Variants in ASPG observed in about 807,000 individuals in gnomAD.
ASPG encodes 60 kDa lysophospholipase.
ASPG carries 53 observed loss-of-function variants against 63.2 expected under a neutral mutation model. That is an observed-to-expected ratio of 0.84 (90% confidence interval 0.67 to 1.05). The LOEUF is 1.05. ASPG is among the 50% of genes least tolerant of loss of function. The probability of loss-of-function intolerance (pLI) is 0.00; values close to 1 mark genes in which losing one functional copy is unlikely to be tolerated. For missense variants in ASPG, 741 were observed against 794.4 expected (o/e 0.93, Z 0.81); for synonymous variants, 370 against 355.0 (o/e 1.04, Z -0.48).
At chr14:104,108,125 C>T (rs772622981) in intron 12 of ASPG, among the ~76,000 whole-genome samples, 2 of 152,088 alleles carry the variant, frequency 1.3e-5, no homozygotes, top group African/African-American at 2.4e-5. Context: ...AGCGGTGAAG[C>T]GGTGAGCCCT....
intron 10 of ASPG, 84 bp from the exon 11 acceptor site, chr14:104,106,714 AG>A: frequency 8.2e-7 from 1 of 1,220,202 alleles, no homozygotes. Context: ...GGGGGCTGGC[AG>A]GGGTCATACA....
At chr14:104,108,770 C>A (rs2037258126) in intron 12 of ASPG, 1 of 985,276 alleles carries the variant, frequency 1.0e-6, no homozygotes, top group African/African-American at 1.7e-5. Context: ...TTCAGTGTCC[C>A]CTGCGCCTGG....
At chr14:104,107,521 A>G (rs1330797108) in intron 12 of ASPG, among the ~76,000 whole-genome samples, 176 bp downstream of exon 12, 1 of 152,168 alleles carries the variant, frequency 6.6e-6, no homozygotes, top group African/African-American at 2.4e-5. Context: ...GAGTTCCTAG[A>G]AAACAAAAAT....
At position 104,093,633 on chromosome 14, in the gene ASPG, TGTG is replaced by T. The variant is rs756548117; in HGVS notation, c.303+35_303+37del. 4.1e-6 allele frequency: 4 copies of T among 971,838 alleles called. No individual in the cohort carries two copies. In the African/African-American group the frequency reaches 2.1e-4, roughly 51 times the overall value. The allele number at this position is 971,838 out of a possible 1,614,324, so 60.2% of individuals were successfully genotyped here. On this transcript the variant is annotated intron_variant, in intron 3 of 15. Coordinates refer to ENST00000551177, the MANE Select transcript of ASPG (RefSeq NM_001080464.3). ...GGGGCTGGGGAATGCTGGGTGGGGC[TGTG>T]GTGTGTGGGTGGGGCTGAGGTGTGT...
Position 104,112,706 on chromosome 14 carries a change from C to A in ASPG, c.*162C>A. 6.8e-7 allele frequency: 1 copy of A among 1,479,904 alleles called. No individual in the cohort carries two copies. The highest frequency in any genetic ancestry group is 9.1e-7 in the Non-Finnish European group (1 of 1,101,568). The allele number at this position is 1,479,904 out of a possible 1,614,324, so 91.7% of individuals were successfully genotyped here. ...ACGGCAATAAAGTCTCTGACATCCC[C>A]TCACCAGGTCTGTACAGCCTGGCTC... is the stretch of plus-strand genomic sequence containing the variant. On this transcript the variant is annotated 3_prime_UTR_variant, in exon 16 of 16. Transcript: ENST00000551177.
chr14:104,097,481 C>T, intron 4 of ASPG, 73 bp from the exon 5 acceptor site: 1 of 1,441,282 alleles, frequency 6.9e-7, no homozygotes, highest in East Asian at 2.5e-5. Context: ...GGGGGTTTAC[C>T]TGGAGAGATG....
At position 104,110,304 on chromosome 14, in the gene ASPG, A is replaced by T; in HGVS notation, c.1520+989A>T. The stretch of plus-strand genomic sequence containing the variant: ...GTGCAGGCGCCTGCCCAGCAGGAGG[A>T]GGACTAGCAGCTCTGGCTTCTCCTC... On this transcript the variant is annotated intron_variant, in intron 13 of 15. Transcript: ENST00000551177. This position sits in a 1 kb window ranked among gnomAD's most constrained non-coding sequence, Gnocchi z 4.7. 1 of 985,138 alleles carries T rather than the reference A, an allele frequency of 1.0e-6. No individual in the cohort carries two copies. Among genetic ancestry groups the T allele is most frequent in the Non-Finnish European group, 1.2e-6 (1 of 829,842 alleles). 61.0% of individuals were successfully genotyped at this position (985,138 alleles called of 1,614,324 possible).
chr14:104,107,849 GCGTCC>G (rs1026199580), intron 12 of ASPG, among the ~76,000 whole-genome samples: 1 of 152,204 alleles, frequency 6.6e-6, no homozygotes, highest in Non-Finnish European at 1.5e-5. Context: ...GGTGGGATCT[GCGTCC>G]CGTCTCCCCT....
At chr14:104,093,162 AC>A (rs2036425035) in intron 2 of ASPG, 2 of 504,388 alleles carry the variant, frequency 4.0e-6, no homozygotes, top group Non-Finnish European at 7.2e-6. Context: ...GTGGTGGCTG[AC>A]CACCACAGCC....
intron 12 of ASPG, 136 bp downstream of exon 12, chr14:104,107,481 C>CCCTTTAGACCCCGGCCCAGTA: frequency 1.1e-6 from 1 of 883,570 alleles, no homozygotes; most frequent in Non-Finnish European, 1.5e-6. Flanking sequence ...GCTGCCCCCG[C>CCCTTTAGACCCCGGCCCAGTA]AGCCCGGGGC....
chr14:104,095,498 G>A (rs760221904), intron 3 of ASPG, 33 bp from the exon 4 acceptor site: 4 of 1,611,280 alleles, frequency 2.5e-6, no homozygotes, highest in Non-Finnish European at 3.4e-6. Context: ...CTTGCGAGGG[G>A]CTGGCCTGCC....
rs1013610894 is a variant in ASPG at position 104,111,608 on chromosome 14, G to A, written c.1620+7G>A. 3.2e-6 allele frequency: 5 copies of A among 1,548,624 alleles called. No homozygotes were observed. The African/African-American group carries it at 6.9e-5, about 21-fold the overall frequency. On this transcript the variant is annotated splice_region_variant and intron_variant, in intron 14 of 15. Coordinates refer to ENST00000551177, the MANE Select transcript of ASPG (RefSeq NM_001080464.3). Reference sequence around the variant, plus strand: ...GCACAGCGCCCTGCACGTCGTGAGTGCCCCCACCCCCTGCACCCTCTCCAA... The same window carrying A: ...GCACAGCGCCCTGCACGTCGTGAGTACCCCCACCCCCTGCACCCTCTCCAA...
At chr14:104,108,896 C>A in intron 12 of ASPG, 1 of 985,382 alleles carries the variant, frequency 1.0e-6, no homozygotes, top group Non-Finnish European at 1.2e-6. Context: ...GGGGAGACTG[C>A]CCTGGGAGGA....
At chr14:104,107,066 G>A (rs1596105490) in intron 11 of ASPG, 116 bp from the exon 12 acceptor site, 1 of 1,391,920 alleles carries the variant, frequency 7.2e-7, no homozygotes, top group East Asian at 2.4e-5. Context: ...GAGGCTTTGA[G>A]GGTGGGCGCA....
chr14:104,090,806 C>T (rs1483169226), intron 1 of ASPG, among the ~76,000 whole-genome samples: 1 of 152,244 alleles, frequency 6.6e-6, no homozygotes, highest in African/African-American at 2.4e-5. Context: ...AAAGACACTT[C>T]CATATGAAGT....
intron 7 of ASPG, 98 bp from the exon 8 acceptor site, chr14:104,104,206 G>C (rs2037011569): frequency 2.2e-6 from 3 of 1,366,534 alleles, no homozygotes; most frequent in Admixed American, 4.9e-5. Flanking sequence ...AGCTGCCCCT[G>C]GCTTGGGGTC....
At chr14:104,100,164 C>T (rs1267721522) in intron 6 of ASPG, among the ~76,000 whole-genome samples, 1 of 152,196 alleles carries the variant, frequency 6.6e-6, no homozygotes, top group Non-Finnish European at 1.5e-5. Context: ...GCACAGCTTC[C>T]TGGAAGAATC....
intron 1 of ASPG, among the ~76,000 whole-genome samples, chr14:104,089,820 T>C (rs576752919): frequency 1.1e-4 from 16 of 151,816 alleles, no homozygotes; most frequent in African/African-American, 3.6e-4. Context: ...TGGTGGTGCA[T>C]GCCTGTAATC....
chr14:104,086,941 T>A (rs905179744), intron 1 of ASPG, among the ~76,000 whole-genome samples: 13 of 152,128 alleles, frequency 8.5e-5, no homozygotes, highest in African/African-American at 3.1e-4. Flanking sequence ...CTTGCCCATC[T>A]GCCAACCACT....
Sources: gnomAD v4.1 joint callset for allele counts (sites outside exome capture counted in the v4.1 genomes callset) on GRCh38, gnomAD v4.1.1 for gene constraint, Gnocchi (gnomAD v3.1) non-coding constraint, MANE v1.5 for transcripts, NCBI Gene and HGNC (gene_info 2026-07-23, HGNC 2026-07-21) for gene names.